The following CCSER1 variants were observed in gnomAD, a reference collection of about 807,000 sequenced individuals.
CCSER1 encodes the protein serine-rich coiled-coil domain-containing protein 1.
CCSER1 carries 41 observed loss-of-function variants against 82.0 expected under a neutral mutation model. That is an observed-to-expected ratio of 0.50 (90% CI 0.39 to 0.65). The LOEUF (loss-of-function observed/expected upper bound fraction) is 0.65. CCSER1 is among the 30% of genes least tolerant of loss of function. The pLI is 0.00. For missense variants in CCSER1, 1,119 were observed against 1,064.2 expected (o/e 1.05, Z -0.72); for synonymous variants, 414 against 383.9 (o/e 1.08, Z -0.92).
intron 1 of CCSER1, among the ~76,000 whole-genome samples, chr4:90,293,639 C>A (rs116289217): frequency 0.032 from 4,812 of 150,400 alleles, 202 homozygotes; most frequent in African/African-American, 0.097. Context: ...TTTTAAAGAT[C>A]TTTTCAAAGA....
At chr4:90,814,397 G>T (rs1823881) in intron 7 of CCSER1, among the ~76,000 whole-genome samples, 50,775 of 152,002 alleles carry the variant, frequency 0.33, 8,633 homozygotes, top group East Asian at 0.42. Context: ...CCATTGTCTT[G>T]GCTATAACAT....
intron 1 of CCSER1, among the ~76,000 whole-genome samples, chr4:90,288,532 T>G (rs1376583023): frequency 6.6e-6 from 1 of 151,966 alleles, no homozygotes; most frequent in Non-Finnish European, 1.5e-5. Flanking sequence ...GACTAGCCCC[T>G]CTAATTCCCT....
chr4:90,298,632 G>A (rs1365752063), intron 1 of CCSER1, among the ~76,000 whole-genome samples: 1 of 152,016 alleles, frequency 6.6e-6, no homozygotes, highest in Non-Finnish European at 1.5e-5. Flanking sequence ...TGGGCATTTA[G>A]TGCTATAAAT....
chr4:90,323,308 G>A (rs1003383935), intron 3 of CCSER1, among the ~76,000 whole-genome samples: 1 of 152,200 alleles, frequency 6.6e-6, no homozygotes, highest in African/African-American at 2.4e-5. Context: ...GTCCAGTGCA[G>A]AACTGGGATT....
chr4:91,573,216 G>C lies in CCSER1; in HGVS notation c.2218-25356G>C, dbSNP rs534820096. Among the ~76,000 whole-genome samples the C allele has an allele frequency of 1.1e-4, 16 of 152,326 alleles. 1 individual carries two copies. In the South Asian group the frequency reaches 3.3e-3, roughly 32 times the overall value. On this transcript the variant is annotated intron_variant, in intron 10 of 10. Coordinates refer to ENST00000509176, the MANE Select transcript of CCSER1 (RefSeq NM_001145065.2). ...ATTGGCTAAGGCACCCAAACAGTAA[G>C]GATGGTGTTCCACCCCCTCCCAACA... is the stretch of plus-strand genomic sequence containing the variant.
intron 10 of CCSER1, among the ~76,000 whole-genome samples, chr4:91,373,543 T>C (rs1182285100): frequency 2.0e-5 from 3 of 152,150 alleles, no homozygotes; most frequent in Non-Finnish European, 4.4e-5. Context: ...ACTGAATACA[T>C]AAATGTTCTG....
At chr4:90,657,574 G>C (rs1729934385) in intron 6 of CCSER1, among the ~76,000 whole-genome samples, 1 of 151,756 alleles carries the variant, frequency 6.6e-6, no homozygotes, top group Admixed American at 6.6e-5. Flanking sequence ...GTTGTTTTTT[G>C]TTTCCATGTT....
chr4:90,700,073 G>A (rs1231446352), intron 6 of CCSER1, among the ~76,000 whole-genome samples: 11 of 151,594 alleles, frequency 7.3e-5, no homozygotes. Context: ...GTGCCATGTT[G>A]GTGTGCTGCA....
intron 10 of CCSER1, among the ~76,000 whole-genome samples, chr4:91,187,274 G>T (rs974073360): frequency 5.3e-5 from 8 of 152,168 alleles, no homozygotes; most frequent in Non-Finnish European, 1.2e-4. Flanking sequence ...TTCCTATTCG[G>T]CCATCTTGGC....
At chr4:90,831,037 A>G (rs1761053100) in intron 8 of CCSER1, among the ~76,000 whole-genome samples, 1 of 151,972 alleles carries the variant, frequency 6.6e-6, no homozygotes, top group African/African-American at 2.4e-5. Flanking sequence ...TGTCAGTCTC[A>G]ATGTATTACA....
chr4:91,459,150 AC>A (rs1448716582), intron 10 of CCSER1, among the ~76,000 whole-genome samples: 1 of 151,736 alleles, frequency 6.6e-6, no homozygotes, highest in African/African-American at 2.4e-5. Context: ...TTTTTTAAAA[AC>A]AGAAATTCTA....
At chr4:90,699,201 T>C (rs1737552878) in intron 6 of CCSER1, among the ~76,000 whole-genome samples, 1 of 152,142 alleles carries the variant, frequency 6.6e-6, no homozygotes, top group South Asian at 2.1e-4. Flanking sequence ...CCTTGGCTCA[T>C]GTCTGTAATC....
intron 10 of CCSER1, among the ~76,000 whole-genome samples, chr4:91,186,315 G>C (rs1734530552): frequency 6.6e-6 from 1 of 152,066 alleles, no homozygotes; most frequent in Non-Finnish European, 1.5e-5. Context: ...CTCCTCATCA[G>C]TGTGAAAAAG....
At chr4:90,792,990 G>A (rs945426616) in intron 7 of CCSER1, among the ~76,000 whole-genome samples, 2 of 152,082 alleles carry the variant, frequency 1.3e-5, no homozygotes, top group African/African-American at 4.8e-5. Context: ...GTAATAACTG[G>A]ACTCTGGCCA....
At chr4:91,065,788 A>G (rs1333684812) in intron 9 of CCSER1, among the ~76,000 whole-genome samples, 1 of 152,136 alleles carries the variant, frequency 6.6e-6, no homozygotes, top group African/African-American at 2.4e-5. Context: ...GAAATTATAA[A>G]TAATTTTTCA....
At chr4:91,131,114 CTTA>C (rs914024953) in intron 10 of CCSER1, among the ~76,000 whole-genome samples, 42 of 151,890 alleles carry the variant, frequency 2.8e-4, no homozygotes, top group African/African-American at 7.7e-4. Flanking sequence ...TCCAGAGACA[CTTA>C]TTATTTTTGT....
chr4:90,154,218 G>A (rs1488803870), intron 1 of CCSER1, among the ~76,000 whole-genome samples: 3 of 151,736 alleles, frequency 2.0e-5, no homozygotes, highest in Admixed American at 6.6e-5. Context: ...TGAGGGCTCT[G>A]TTCTGTTCCA....
chr4:91,434,879 T>A (rs1345245506), intron 10 of CCSER1, among the ~76,000 whole-genome samples: 1 of 152,200 alleles, frequency 6.6e-6, no homozygotes, highest in Non-Finnish European at 1.5e-5. Context: ...GATGATGACA[T>A]CAGATAGTTT....
intron 1 of CCSER1, among the ~76,000 whole-genome samples, chr4:90,173,508 C>T (rs554594157): frequency 5.9e-5 from 9 of 151,990 alleles, no homozygotes; most frequent in African/African-American, 1.7e-4. Flanking sequence ...ACTTTTGTCT[C>T]CTTCAGCACC....
Sources: allele counts gnomAD v4.1 joint callset (sites outside exome capture counted in the v4.1 genomes callset), GRCh38; gene constraint gnomAD v4.1.1; transcripts MANE v1.5; gene names NCBI Gene and HGNC (gene_info 2026-07-23, HGNC 2026-07-21).